Variants in BIN3 observed in about 807,000 individuals in gnomAD.
BIN3 encodes the protein bridging integrator 3.
BIN3 carries 41 observed loss-of-function variants against 38.2 expected under a neutral mutation model. The ratio of observed to expected loss-of-function variants is 1.07; its 90% CI spans 0.84 to 1.39. BIN3 has a LOEUF of 1.39. Among genes scored for constraint, BIN3 ranks in the 40% most tolerant of loss-of-function variants. The pLI, the probability that BIN3 is intolerant of heterozygous loss-of-function variation, is 0.00. For missense variants in BIN3, 361 were observed against 324.3 expected (o/e 1.11, Z -0.87); for synonymous variants, 145 against 122.6 (o/e 1.18, Z -1.21).
intron 2 of BIN3, among the ~76,000 whole-genome samples, chr8:22,639,882 G>A (rs1802486640): frequency 6.6e-6 from 1 of 151,644 alleles, no homozygotes; most frequent in South Asian, 2.1e-4. Context: ...TTCTTTTGAG[G>A]CGGAGTTTCG....
rs551008362 is a variant in BIN3, at chr8:22,621,522, T to G, written c.662A>C (p.His221Pro). 6 of 1,613,772 alleles carry G rather than the reference T, an allele frequency of 3.7e-6. No individual in the cohort carries two copies. The African/African-American group carries it at 6.7e-5, about 18-fold the overall frequency. Residue 221 changes from histidine to proline, a missense_variant, in exon 9 of 9, where the codon CAT (histidine) becomes CCT (proline). Physicochemically the swap from His to Pro is moderately conservative, Grantham distance 77. Transcript: ENST00000276416. ...GGAGTGGCCTGGCTGGTCAAGCTGA[T>G]GGGACAGGTCTCCAAAGATCTTGTG... ...EMHKIFGDLS[H>P]QLDQPGHSDE...
At chr8:22,634,613 C>T in intron 4 of BIN3, 1 of 446,318 alleles carries the variant, frequency 2.2e-6, no homozygotes, top group Non-Finnish European at 4.5e-6. Flanking sequence ...CAAGTAGGAG[C>T]ACACTGGTCC....
At chr8:22,622,923 G>A (rs572452435) in intron 8 of BIN3, among the ~76,000 whole-genome samples, 10 of 152,340 alleles carry the variant, frequency 6.6e-5, no homozygotes, top group African/African-American at 1.9e-4. Context: ...GTCCCGCCCC[G>A]GCATGAACCC....
Position 22,636,630 on chromosome 8 carries a change from C to G in BIN3, c.99-44G>C, listed in dbSNP as rs878878010. 6 of 1,543,632 alleles carry G rather than the reference C, an allele frequency of 3.9e-6. No homozygotes were observed. In the South Asian group the frequency reaches 6.0e-5, roughly 15 times the overall value. On this transcript the variant is annotated intron_variant, in intron 3 of 8. Transcript: ENST00000276416. Reference sequence around the variant, plus strand: ...GCTGCTTGGGGTCCCCTTCCTTCCCCCTACCTGAGCGAAGCCCAGGTGCTC... The same window carrying G: ...GCTGCTTGGGGTCCCCTTCCTTCCCGCTACCTGAGCGAAGCCCAGGTGCTC...
intron 1 of BIN3, among the ~76,000 whole-genome samples, chr8:22,650,576 A>C (rs1021215391): frequency 6.6e-5 from 10 of 152,212 alleles, no homozygotes; most frequent in African/African-American, 2.4e-4. Flanking sequence ...TATCAAAGTT[A>C]TAGTGTGCAC....
intron 1 of BIN3, among the ~76,000 whole-genome samples, chr8:22,657,455 T>A (rs73671248): frequency 0.015 from 2,352 of 151,922 alleles, 58 homozygotes; most frequent in African/African-American, 0.053. Flanking sequence ...GAAAATGGAG[T>A]GGGCCCTTGG....
At chr8:22,636,799 C>T (rs1802381005) in intron 3 of BIN3, 123 bp downstream of exon 3, 4 of 1,164,106 alleles carry the variant, frequency 3.4e-6, no homozygotes, top group Middle Eastern at 2.3e-4. Context: ...AGCCTGGTGA[C>T]CTGAGCTGCC....
chr8:22,638,121 T>C (rs2117539947), intron 2 of BIN3, among the ~76,000 whole-genome samples: 1 of 152,326 alleles, frequency 6.6e-6, no homozygotes, highest in South Asian at 2.1e-4. Flanking sequence ...GAGCCCTAGA[T>C]CCTGACTTCT....
intron 1 of BIN3, among the ~76,000 whole-genome samples, chr8:22,648,963 A>T (rs988489115): frequency 6.6e-6 from 1 of 151,656 alleles, no homozygotes; most frequent in Non-Finnish European, 1.5e-5. Flanking sequence ...GTATTTCCTT[A>T]CTTTCCAGCT....
intron 1 of BIN3, among the ~76,000 whole-genome samples, chr8:22,665,047 T>G (rs1443094573): frequency 6.6e-6 from 1 of 152,118 alleles, no homozygotes; most frequent in Non-Finnish European, 1.5e-5. Flanking sequence ...ATGGGGTTGG[T>G]GTGGAAGGGA....
chr8:22,642,495 G>A (rs950985371), intron 2 of BIN3, among the ~76,000 whole-genome samples: 2 of 152,314 alleles, frequency 1.3e-5, no homozygotes, highest in East Asian at 3.9e-4. Context: ...AGGCCCAGCC[G>A]ACTTTTGTTG....
chr8:22,644,942 T>C, intron 1 of BIN3, 139 bp from the exon 2 acceptor site: 1 of 698,846 alleles, frequency 1.4e-6, no homozygotes, highest in South Asian at 1.6e-5. Context: ...CCATGTGCCC[T>C]GGTGGGCATA....
chr8:22,621,141 G>T lies in BIN3; in HGVS notation c.*281C>A, dbSNP rs912290032. On this transcript the variant is annotated 3_prime_UTR_variant, in exon 9 of 9. Transcript: ENST00000276416. Reference sequence around the variant, plus strand: ...CATGGCCTCAGAAGGGCTGCAGCTTGCTCAGGCCGTGGGCCAGGATGCATG... The same window carrying T: ...CATGGCCTCAGAAGGGCTGCAGCTTTCTCAGGCCGTGGGCCAGGATGCATG... The T allele has an allele frequency of 2.3e-5, 9 of 392,056 alleles. No individual in the cohort carries two copies. Among genetic ancestry groups the T allele is most frequent in the Non-Finnish European group, 3.7e-5 (8 of 215,520 alleles). The allele number at this position is 392,056 out of a possible 1,614,324, so 24.3% of individuals were successfully genotyped here.
Position 22,664,183 on chromosome 8 carries a change from C to T in BIN3, c.8+4861G>A, listed in dbSNP as rs111993226. 6.4e-3 allele frequency among the ~76,000 whole-genome samples: 976 copies of T among 152,284 alleles called. 13 individuals are homozygous for T. The highest frequency in any genetic ancestry group is 0.021 in the African/African-American group (892 of 41,540). Reference sequence around the variant, plus strand: ...TAACAGCTGACTCTAAAGCTTACTCCGACAGATTTCCTTAAAGAGTATAAT... The same window carrying T: ...TAACAGCTGACTCTAAAGCTTACTCTGACAGATTTCCTTAAAGAGTATAAT... On this transcript the variant is annotated intron_variant, in intron 1 of 8. Transcript: ENST00000276416.
chr8:22,636,681 A>G, intron 3 of BIN3, 95 bp from the exon 4 acceptor site: 4 of 1,331,304 alleles, frequency 3.0e-6, no homozygotes, highest in Non-Finnish European at 4.2e-6. Context: ...GGAGGAGGAG[A>G]AAGGGATCTT....
In BIN3 at chr8:22,660,249, C is replaced by T. The variant is rs190973634; in HGVS notation, c.8+8795G>A. ...TAATATCTGACAGACAAGTAATCAC[C>T]GATTCTCATTCTAGTCTGTAAGGTA... On this transcript the variant is annotated intron_variant, in intron 1 of 8. Transcript: ENST00000276416. Among the ~76,000 whole-genome samples the T allele has an allele frequency of 2.0e-3, 304 of 152,306 alleles. 1 individual carries two copies. The highest frequency in any genetic ancestry group is 7.0e-3 in the African/African-American group (291 of 41,568).
chr8:22,651,761 A>T (rs1439108896), intron 1 of BIN3, among the ~76,000 whole-genome samples: 1 of 152,164 alleles, frequency 6.6e-6, no homozygotes, highest in Non-Finnish European at 1.5e-5. Context: ...ACGGTGTTGT[A>T]TAATTTTACA....
intron 1 of BIN3, among the ~76,000 whole-genome samples, chr8:22,646,284 G>A (rs192826959): frequency 3.1e-4 from 47 of 152,228 alleles, no homozygotes; most frequent in Admixed American, 1.2e-3. Context: ...GATCAGCTCC[G>A]GCAGAGGGCT....
At chr8:22,625,018 A>G (rs1463786970) in intron 6 of BIN3, 1 of 371,658 alleles carries the variant, frequency 2.7e-6, no homozygotes, top group Non-Finnish European at 4.9e-6. Flanking sequence ...GGCAACATGA[A>G]AGCAGCAGAA....
Sources: allele counts gnomAD v4.1 joint callset (sites outside exome capture counted in the v4.1 genomes callset), GRCh38; gene constraint gnomAD v4.1.1; transcripts MANE v1.5; gene names NCBI Gene and HGNC (gene_info 2026-07-23, HGNC 2026-07-21).